NAV3: variants seen among roughly 807,000 people sequenced by gnomAD.
The protein encoded by NAV3 is neuron navigator 3.
Under a neutral mutation model 244.7 loss-of-function variants are expected in NAV3, and 87 were observed. That is an observed-to-expected ratio of 0.36 (90% confidence interval 0.30 to 0.42). The LOEUF (loss-of-function observed/expected upper bound fraction) is 0.42. NAV3 is among the 20% of genes least tolerant of loss of function. NAV3 has a pLI of 1.00. For synonymous variants in NAV3, 1,126 were observed against 1,042.2 expected, an observed-to-expected ratio of 1.08 and a Z score of -1.55; for missense variants, 2,663 against 2,893.3, an observed-to-expected ratio of 0.92 and a Z score of 1.83.
At chr12:77,733,921 C>T (rs928851982) in intron 2 of NAV3, among the ~76,000 whole-genome samples, 2 of 139,200 alleles carry the variant, frequency 1.4e-5, no homozygotes, top group African/African-American at 5.5e-5. Context: ...AGGGAGTAAA[C>T]TCAATTGGTG....
intron 2 of NAV3, among the ~76,000 whole-genome samples, chr12:77,584,432 A>AAT (rs1555183680): frequency 3.3e-5 from 5 of 150,342 alleles, no homozygotes; most frequent in East Asian, 3.9e-4. Flanking sequence ...CAAAAAAAAA[A>AAT]TTTTTTTTTT....
At chr12:78,175,562 C>T (rs968207403) in intron 25 of NAV3, 135 bp downstream of exon 25, 7 of 1,098,426 alleles carry the variant, frequency 6.4e-6, no homozygotes, top group Middle Eastern at 3.1e-4. Context: ...AAATGCTGCA[C>T]TCATCACCAA....
chr12:78,068,807 A>G (rs1215068696), intron 12 of NAV3, among the ~76,000 whole-genome samples: 1 of 151,550 alleles, frequency 6.6e-6, no homozygotes, highest in East Asian at 1.9e-4. Context: ...AAAAATACTA[A>G]AAGAGCACTT....
At chr12:78,123,392 A>G (rs897890132) in intron 16 of NAV3, among the ~76,000 whole-genome samples, 4 of 149,742 alleles carry the variant, frequency 2.7e-5, no homozygotes, top group African/African-American at 9.8e-5. Context: ...GATGGCATTT[A>G]TTTTCTAGAC....
intron 1 of NAV3, among the ~76,000 whole-genome samples, chr12:77,898,835 A>G (rs974359112): frequency 6.6e-6 from 1 of 152,172 alleles, no homozygotes. Context: ...TAAATTGAAA[A>G]CCTTCTGGAA....
chr12:77,949,816 C>A (rs1047489408), intron 3 of NAV3, among the ~76,000 whole-genome samples: 3 of 152,002 alleles, frequency 2.0e-5, no homozygotes, highest in African/African-American at 7.2e-5. Context: ...TTTTACTGCC[C>A]TACACATCCT....
At chr12:78,106,342 A>G (rs1003668168) in intron 12 of NAV3, among the ~76,000 whole-genome samples, 4 of 152,334 alleles carry the variant, frequency 2.6e-5, no homozygotes, top group Non-Finnish European at 4.4e-5. Flanking sequence ...ATATTGAACA[A>G]TAAAGTATTT....
intron 5 of NAV3, 27 bp downstream of exon 5, chr12:77,968,729 T>A (rs1488715467): frequency 6.3e-7 from 1 of 1,598,338 alleles, no homozygotes; most frequent in East Asian, 2.2e-5. Context: ...GGGAATGTGT[T>A]TCCAATTAGT....
chr12:77,870,609 G>C (rs900294327), intron 1 of NAV3, among the ~76,000 whole-genome samples: 1 of 152,136 alleles, frequency 6.6e-6, no homozygotes, highest in Non-Finnish European at 1.5e-5. Context: ...TTCTGTTACA[G>C]ATGCTGGAGA....
intron 5 of NAV3, among the ~76,000 whole-genome samples, chr12:77,983,591 A>C (rs1869953080): frequency 6.6e-6 from 1 of 152,132 alleles, no homozygotes; most frequent in African/African-American, 2.4e-5. Flanking sequence ...TGGACCTGGG[A>C]ACATTAGCTT....
At chr12:77,669,809 C>G (rs755918012) in intron 2 of NAV3, among the ~76,000 whole-genome samples, 1 of 151,970 alleles carries the variant, frequency 6.6e-6, no homozygotes, top group Non-Finnish European at 1.5e-5. Context: ...AGAAAGTCAA[C>G]AAAGAAACAG....
intron 9 of NAV3, among the ~76,000 whole-genome samples, chr12:78,025,082 C>T (rs530167726): frequency 6.0e-4 from 91 of 152,182 alleles, no homozygotes; most frequent in African/African-American, 1.3e-3. Flanking sequence ...AAAAAGAGTA[C>T]GGTTCAATCA....
intron 1 of NAV3, among the ~76,000 whole-genome samples, chr12:77,929,758 A>T (rs1888589748): frequency 6.7e-6 from 1 of 150,064 alleles, no homozygotes; most frequent in East Asian, 2.0e-4. Flanking sequence ...GCAGCCTCCC[A>T]AGTAGCTGAG....
intron 2 of NAV3, among the ~76,000 whole-genome samples, chr12:77,600,961 T>A (rs112156470): frequency 1.6e-4 from 24 of 152,080 alleles, no homozygotes; most frequent in Middle Eastern, 3.4e-3. Context: ...TATTAGATAA[T>A]GATGAAAGAA....
chr12:77,660,032 T>C (rs1159571417), intron 2 of NAV3, among the ~76,000 whole-genome samples: 1 of 151,798 alleles, frequency 6.6e-6, no homozygotes, highest in Admixed American at 6.6e-5. Context: ...GTGGGTGCAG[T>C]GCACCAGCAT....
At chr12:77,825,557 A>G (rs1277685405) in intron 2 of NAV3, among the ~76,000 whole-genome samples, 2 of 152,184 alleles carry the variant, frequency 1.3e-5, no homozygotes, top group African/African-American at 4.8e-5. Context: ...GAAGAATAAA[A>G]TGAAATATGT....
intron 9 of NAV3, among the ~76,000 whole-genome samples, chr12:78,049,260 G>A (rs1354922407): frequency 6.6e-6 from 1 of 151,988 alleles, no homozygotes; most frequent in Non-Finnish European, 1.5e-5. Flanking sequence ...AGGTGCTACT[G>A]GGGTATGAAA....
chr12:77,618,958 A>G (rs1871250034), intron 2 of NAV3, among the ~76,000 whole-genome samples: 1 of 152,248 alleles, frequency 6.6e-6, no homozygotes, highest in South Asian at 2.1e-4. Context: ...GTGTTATGCA[A>G]CCAGAAAATA....
Position 77,668,846 on chromosome 12 carries a change from A to G in NAV3, c.72+96580A>G, listed in dbSNP as rs539671430. On this transcript the variant is annotated intron_variant, in intron 2 of 8. Coordinates refer to the NAV3 transcript ENST00000550042. ...AAGATCATTGCCTACACACATAGTCATCAGGTTATCTAAAGTCAAGATGAA... is the reference window on the plus strand; with the variant it reads ...AAGATCATTGCCTACACACATAGTCGTCAGGTTATCTAAAGTCAAGATGAA... 2.1e-3 allele frequency among the ~76,000 whole-genome samples: 318 copies of G among 152,310 alleles called. 3 individuals are homozygous for G. The highest frequency in any genetic ancestry group is 3.6e-3 in the Non-Finnish European group (247 of 68,018).
Sources: gnomAD v4.1 joint callset for allele counts (sites outside exome capture counted in the v4.1 genomes callset) on GRCh38, gnomAD v4.1.1 for gene constraint, MANE v1.5 for transcripts, NCBI Gene and HGNC (gene_info 2026-07-23, HGNC 2026-07-21) for gene names.